Variants in LINGO2 observed in about 807,000 individuals in gnomAD.
LINGO2 encodes the protein leucine rich repeat and Ig domain containing 2, also known as leucine-rich repeat and immunoglobulin-like domain-containing nogo receptor-interacting protein 2.
Under a neutral mutation model 30.6 loss-of-function variants are expected in LINGO2, and 14 were observed. The observed-to-expected ratio is 0.46, with a 90% confidence interval of 0.30 to 0.72. The LOEUF (loss-of-function observed/expected upper bound fraction) is 0.72, where lower values mean the gene tolerates loss of function less well. Ranked by LOEUF, LINGO2 falls within the 30% of genes least tolerant of loss-of-function variation. LINGO2 has a pLI of 0.07. For synonymous variants in LINGO2, 317 were observed against 288.5 expected (o/e 1.10, Z -1.00); for missense variants, 729 against 751.7 (o/e 0.97, Z 0.35).
intron 1 of LINGO2, among the ~76,000 whole-genome samples, chr9:28,555,609 T>A (rs1012243011): frequency 1.3e-5 from 2 of 151,866 alleles, no homozygotes; most frequent in African/African-American, 4.8e-5. Context: ...ACTATTCCAA[T>A]CAATAGAAAA....
At chr9:28,723,525 A>C in the LINGO2 span, among the ~76,000 whole-genome samples, 1 of 152,104 alleles carries the variant, frequency 6.6e-6, no homozygotes, top group African/African-American at 2.4e-5. Flanking sequence ...TTCTCTTGGT[A>C]AATGACATGC....
chr9:28,350,952 G>A (rs1217112970), intron 3 of LINGO2, among the ~76,000 whole-genome samples: 5 of 151,944 alleles, frequency 3.3e-5, no homozygotes, highest in East Asian at 1.9e-4. Flanking sequence ...TGAAACCAAC[G>A]AGAACAAAGA....
At chr9:28,971,807 A>G in the LINGO2 span, among the ~76,000 whole-genome samples, 137,961 of 152,272 alleles carry the variant, frequency 0.91, 62,685 homozygotes, top group Non-Finnish European at 0.93. Context: ...AACATAGGCA[A>G]TAGCCAGAGA....
At chr9:29,063,905 T>C in the LINGO2 span, among the ~76,000 whole-genome samples, 2 of 152,180 alleles carry the variant, frequency 1.3e-5, no homozygotes, top group African/African-American at 2.4e-5. Flanking sequence ...ACAAAGATGC[T>C]AGGAAGATTG....
chr9:28,928,294 T>G, the LINGO2 span, among the ~76,000 whole-genome samples: 2 of 152,206 alleles, frequency 1.3e-5, no homozygotes, highest in Non-Finnish European at 2.9e-5. Flanking sequence ...CATGCAAAGG[T>G]AATATTCTCA....
At chr9:28,477,558 T>G (rs1825779372) in intron 1 of LINGO2, among the ~76,000 whole-genome samples, 1 of 152,200 alleles carries the variant, frequency 6.6e-6, no homozygotes, top group African/African-American at 2.4e-5. Flanking sequence ...ATTTGCCTTG[T>G]ATTCAAGCCA....
intron 3 of LINGO2, among the ~76,000 whole-genome samples, chr9:28,352,576 C>T (rs995804163): frequency 1.4e-5 from 2 of 138,950 alleles, no homozygotes; most frequent in African/African-American, 5.5e-5. Context: ...GCCATACTGC[C>T]CAAGGTAATT....
At chr9:29,149,755 G>C in the LINGO2 span, among the ~76,000 whole-genome samples, 1 of 152,146 alleles carries the variant, frequency 6.6e-6, no homozygotes, top group Non-Finnish European at 1.5e-5. Flanking sequence ...AAAGGGGTTT[G>C]ATACATGGGG....
At chr9:28,777,772 T>C in the LINGO2 span, among the ~76,000 whole-genome samples, 1 of 152,196 alleles carries the variant, frequency 6.6e-6, no homozygotes, top group Non-Finnish European at 1.5e-5. Context: ...GCTGAGTTGC[T>C]CGTGTTAAGT....
the LINGO2 span, among the ~76,000 whole-genome samples, chr9:29,040,819 A>C: frequency 6.6e-6 from 1 of 152,134 alleles, no homozygotes; most frequent in East Asian, 1.9e-4. Flanking sequence ...TTATAATAAT[A>C]GAGCCATATG....
the LINGO2 span, among the ~76,000 whole-genome samples, chr9:28,972,054 A>G: frequency 6.6e-6 from 1 of 152,222 alleles, no homozygotes; most frequent in Non-Finnish European, 1.5e-5. Context: ...TCAAAGCAGT[A>G]CCTTTATGAG....
intron 3 of LINGO2, among the ~76,000 whole-genome samples, chr9:28,304,168 T>C (rs1824253690): frequency 6.6e-6 from 1 of 151,838 alleles, no homozygotes; most frequent in East Asian, 1.9e-4. Flanking sequence ...AGAGTCATTT[T>C]CTAATATTTA....
At chr9:28,535,227 T>C (rs1017495038) in intron 1 of LINGO2, among the ~76,000 whole-genome samples, 8 of 152,184 alleles carry the variant, frequency 5.3e-5, no homozygotes, top group African/African-American at 1.9e-4. Flanking sequence ...TAGGTCACAT[T>C]GAAAAGTGTG....
At chr9:28,945,591 T>C in the LINGO2 span, among the ~76,000 whole-genome samples, 2 of 152,194 alleles carry the variant, frequency 1.3e-5, no homozygotes, top group South Asian at 4.1e-4. Context: ...TAGTGGGGTA[T>C]ACCAGAATTG....
At chr9:28,889,923 A>G in the LINGO2 span, among the ~76,000 whole-genome samples, 1 of 152,046 alleles carries the variant, frequency 6.6e-6, no homozygotes, top group African/African-American at 2.4e-5. Context: ...AGTTTGTTCA[A>G]ATGAAAAAAA....
chr9:28,052,861 TA>T (rs1168464860), intron 4 of LINGO2, among the ~76,000 whole-genome samples: 2 of 152,118 alleles, frequency 1.3e-5, no homozygotes, highest in Non-Finnish European at 2.9e-5. Context: ...TATGTGACAG[TA>T]ATTTGGACTT....
the LINGO2 span, among the ~76,000 whole-genome samples, chr9:29,064,907 G>C: frequency 2.0e-5 from 3 of 151,930 alleles, no homozygotes; most frequent in African/African-American, 7.3e-5. Flanking sequence ...AAGTATGACA[G>C]GCTTAGAGAA....
rs148811873 is a variant in LINGO2 at position 28,085,895 on chromosome 9, G to A, written c.-86-73490C>T. Among the ~76,000 whole-genome samples, 175 of 152,138 alleles carry A rather than the reference G, an allele frequency of 1.2e-3. 1 individual carries two copies. In the South Asian group the frequency reaches 0.014, roughly 12 times the overall value. On this transcript the variant is annotated intron_variant, in intron 4 of 5. Transcript: ENST00000379992. ...TCGTGAGTGTCTATAAATAAAATGA[G>A]GTAGTTCTCTATGTACTGACATGAA...
At chr9:27,981,543 AAAAAAAAGAAAAAAAAGAAAAAAAAAG>A (rs1364635169) in intron 5 of LINGO2, among the ~76,000 whole-genome samples, 13 of 120,966 alleles carry the variant, frequency 1.1e-4, no homozygotes, top group African/African-American at 3.9e-4. Context: ...GCAAAAAAAA[AAAAAAAAGAAAAAAAAGAAAAAAAAAG>A]AAAAAAAAAA....
Sources: allele counts gnomAD v4.1 joint callset (sites outside exome capture counted in the v4.1 genomes callset), GRCh38; gene constraint gnomAD v4.1.1; transcripts MANE v1.5; gene names NCBI Gene and HGNC (gene_info 2026-07-23, HGNC 2026-07-21).